The following MYO19 variants were observed in gnomAD, a reference collection of about 807,000 sequenced individuals.
The protein encoded by MYO19 is myosin XIX.
A neutral mutation model predicts 129.2 loss-of-function variants in MYO19; 132 were observed. The ratio of observed to expected loss-of-function variants is 1.02; its 90% CI spans 0.89 to 1.18. The LOEUF is 1.18. MYO19 is among the 50% of genes most tolerant of loss of function. The pLI is 0.00. For missense variants in MYO19, 1,210 were observed against 1,216.7 expected (o/e 0.99, Z 0.08); for synonymous variants, 531 against 477.2 (o/e 1.11, Z -1.47).
chr17:36,512,046 G>A (rs745945843), intron 11 of MYO19, among the ~76,000 whole-genome samples: 1 of 152,122 alleles, frequency 6.6e-6, no homozygotes, highest in Admixed American at 6.5e-5. Flanking sequence ...CCAAGGCCCA[G>A]CAACTTCAAA....
upstream of MYO19, chr17:36,538,539 G>A (rs758231021): frequency 8.7e-6 from 14 of 1,613,634 alleles, no homozygotes; most frequent in African/African-American, 1.7e-4. Context: ...CTTATTTGTG[G>A]TCAATCTCTA....
rs747479049 is a variant in MYO19, at chr17:36,501,243, A to C, written c.2081-8T>G. ...CGCTGTGTGGACACCATTCTGGGGG[A>C]GGGAGATGGCCCCATCAGTGCATGG... On this transcript the variant is annotated splice_region_variant and splice_polypyrimidine_tract_variant and intron_variant, in intron 21 of 25. Transcript: ENST00000614623. The C allele has an allele frequency of 6.2e-7, 1 of 1,605,488 alleles. No individual in the cohort carries two copies. The highest frequency in any genetic ancestry group is 1.3e-5 in the African/African-American group (1 of 74,836).
intron 3 of MYO19, among the ~76,000 whole-genome samples, chr17:36,530,450 G>GTT (rs1567793485): frequency 7.1e-6 from 1 of 141,668 alleles, no homozygotes; most frequent in African/African-American, 2.6e-5. Context: ...TCTAAAAGTG[G>GTT]CTTTTTTTTT....
rs538238130 is a variant in MYO19 at position 36,516,121 on chromosome 17, A to G, written c.415-131T>C. The G allele has an allele frequency of 1.1e-4, 121 of 1,103,650 alleles. No homozygotes were observed. The East Asian group carries it at 2.6e-3, about 24-fold the overall frequency. 68.4% of individuals were successfully genotyped at this position (1,103,650 alleles called of 1,614,324 possible). A position where few individuals can be genotyped will look rare whatever the true frequency, so the allele number is the denominator to read the frequency against. On this transcript the variant is annotated intron_variant, in intron 6 of 25. Transcript: ENST00000614623. ...TGCTGACAAAATGGGTGAAGGCAGA[A>G]TTCAACCCTGGCCTCAGGCAAGGCA... is the stretch of plus-strand genomic sequence containing the variant.
At chr17:36,497,769 G>A (rs1210695631) in intron 25 of MYO19, 1 of 156,662 alleles carries the variant, frequency 6.4e-6, no homozygotes, top group Non-Finnish European at 1.4e-5. Flanking sequence ...ATTTTTAGTA[G>A]AGATGGGGTT....
At chr17:36,539,706 A>G (rs1177970464), upstream of MYO19, among the ~76,000 whole-genome samples, 2 of 152,140 alleles carry the variant, frequency 1.3e-5, no homozygotes, top group African/African-American at 2.4e-5. Flanking sequence ...CTTTTAGCCT[A>G]CCCTATGCTA....
At chr17:36,504,926 A>AG in intron 19 of MYO19, 1 of 290,710 alleles carries the variant, frequency 3.4e-6, no homozygotes, top group Non-Finnish European at 6.9e-6. Flanking sequence ...AAAAAAAAAA[A>AG]AAAAGAAAAA....
chr17:36,514,141 T>A (rs2072568811), intron 9 of MYO19, among the ~76,000 whole-genome samples: 1 of 152,070 alleles, frequency 6.6e-6, no homozygotes, highest in South Asian at 2.1e-4. Context: ...CAGATGCCAT[T>A]CTAGGAGAGC....
In MYO19 at chr17:36,512,720, C is replaced by G. The variant is rs899896285; in HGVS notation, c.894+709G>C. ...GTCACTTTCCACTGCATTGCTACCTCCCTGAAGTGGCCTCCCTTTCTCGAC... is the reference window on the plus strand; with the variant it reads ...GTCACTTTCCACTGCATTGCTACCTGCCTGAAGTGGCCTCCCTTTCTCGAC... On this transcript the variant is annotated intron_variant, in intron 11 of 25. Coordinates refer to ENST00000614623, the MANE Select transcript of MYO19 (RefSeq NM_001163735.2). The G allele has an allele frequency of 6.2e-6, 8 of 1,289,038 alleles. No individual in the cohort carries two copies. The African/African-American group carries it at 1.2e-4, about 20-fold the overall frequency. 79.9% of individuals were successfully genotyped at this position (1,289,038 alleles called of 1,614,324 possible). A position where few individuals can be genotyped will look rare whatever the true frequency, so the allele number is the denominator to read the frequency against.
Position 36,511,236 on chromosome 17 carries a change from G to C in MYO19, c.985+129C>G. On this transcript the variant is annotated intron_variant, in intron 12 of 25. Transcript: ENST00000614623. ...GTGAGGAGTAAATGATCCAGGGCCA[G>C]GCCCTATGGTGGGTGGCATAAGCAA... 8 of 959,444 alleles carry C rather than the reference G, an allele frequency of 8.3e-6. No homozygotes were observed. In the South Asian group the frequency reaches 1.2e-4, roughly 14 times the overall value. The allele number at this position is 959,444 out of a possible 1,614,324, so 59.4% of individuals were successfully genotyped here. A position where few individuals can be genotyped will look rare whatever the true frequency, so the allele number is the denominator to read the frequency against.
At position 36,507,273 on chromosome 17, in the gene MYO19, G is replaced by C; in HGVS notation, c.1467+126C>G. On this transcript the variant is annotated intron_variant, in intron 16 of 25. Transcript: ENST00000614623. ...TAGTGTCCCCAACAGAAAAAATATA[G>C]CAATTAGCAGATCTATTTGGCAGAC... 4 of 1,405,372 alleles carry C rather than the reference G, an allele frequency of 2.8e-6. No homozygotes were observed. The South Asian group carries it at 5.0e-5, about 18-fold the overall frequency. 87.1% of individuals were successfully genotyped at this position (1,405,372 alleles called of 1,614,324 possible).
upstream of MYO19, chr17:36,537,053 C>G (rs544366148): frequency 3.2e-5 from 48 of 1,493,118 alleles, 2 homozygotes; most frequent in South Asian, 5.8e-4. Context: ...CACAAGAATG[C>G]TGCTTTTCAC....
intron 6 of MYO19, among the ~76,000 whole-genome samples, chr17:36,523,200 A>C (rs935428280): frequency 1.3e-5 from 2 of 148,614 alleles, no homozygotes; most frequent in African/African-American, 5.0e-5. Flanking sequence ...AAAAAAAAAA[A>C]ACAAAAACAA....
At chr17:36,537,611 A>G (rs1179271370), upstream of MYO19, 2 of 1,613,934 alleles carry the variant, frequency 1.2e-6, no homozygotes, top group Admixed American at 3.3e-5. Flanking sequence ...TGGATTTTGG[A>G]GTAGGTGGCT....
chr17:36,499,107 T>C lies in MYO19; in HGVS notation c.2431A>G (p.Thr811Ala). The change falls in exon 24 of 26, where the codon ACA (threonine) becomes GCA (alanine). Residue 811 changes from threonine (T) to alanine (A), a missense_variant. Transcript: ENST00000614623. ...KHIQRLHAAATVIKRAWQKWR... is the reference protein window; with the variant it reads ...KHIQRLHAAAAVIKRAWQKWR... ...TTCTGCCATGCACGCTTGATGACTG[T>C]GGCAGCTGCATGCAGCCTCTGGATG... 1 of 1,610,808 alleles carries C rather than the reference T, an allele frequency of 6.2e-7. No individual in the cohort carries two copies. The highest frequency in any genetic ancestry group is 8.5e-7 in the Non-Finnish European group (1 of 1,178,454).
Position 36,496,020 on chromosome 17 carries a change from ACCCT to A in MYO19, c.*227_*230del. On this transcript the variant is annotated 3_prime_UTR_variant, in exon 26 of 26. Transcript: ENST00000614623. ...TGAAATGTGGCCCTGATGTTTCTTA[ACCCT>A]GATTTGGTAACTACCAGCCCTGACA... The A allele has an allele frequency of 1.3e-6, 1 of 799,874 alleles. No homozygotes were observed. The highest frequency in any genetic ancestry group is 2.8e-5 in the East Asian group (1 of 35,820). The allele number at this position is 799,874 out of a possible 1,614,324, so 49.5% of individuals were successfully genotyped here.
upstream of MYO19, among the ~76,000 whole-genome samples, chr17:36,535,893 A>G (rs1200409703): frequency 1.3e-5 from 2 of 151,082 alleles, no homozygotes; most frequent in Non-Finnish European, 2.9e-5. Flanking sequence ...GATTGCAGGC[A>G]TGAACCACTT....
chr17:36,510,765 CCAGG>C lies in MYO19; in HGVS notation c.1134_1137del (p.Cys378TrpfsTer4). 2 of 1,607,678 alleles carry C rather than the reference CCAGG, an allele frequency of 1.2e-6. No individual in the cohort carries two copies. The highest frequency in any genetic ancestry group is 8.5e-7 in the Non-Finnish European group (1 of 1,176,878). ...GCTCACCGCGCATAGATCAGTTTGG[CCAGG>C]CAGTCTCTACGGGTGTCACACTCGG... On this transcript the variant is annotated frameshift_variant, in exon 13 of 26. Transcript: ENST00000614623. LOFTEE classifies it high-confidence loss of function.
chr17:36,525,149 G>A, intron 6 of MYO19, 79 bp downstream of exon 6: 1 of 1,051,636 alleles, frequency 9.5e-7, no homozygotes, highest in East Asian at 2.4e-5. Context: ...ACTCCACAAG[G>A]AAGGCCAAGG....
Sources: allele counts gnomAD v4.1 joint callset (sites outside exome capture counted in the v4.1 genomes callset), GRCh38; gene constraint gnomAD v4.1.1; transcripts MANE v1.5; gene names NCBI Gene and HGNC (gene_info 2026-07-23, HGNC 2026-07-21).